Variants in IYD observed in about 807,000 individuals in gnomAD.
IYD encodes the protein iodotyrosine deiodinase 1.
IYD carries 25 observed loss-of-function variants against 28.4 expected under a neutral mutation model. The observed-to-expected ratio is 0.88, with a 90% CI of 0.64 to 1.23. The LOEUF (loss-of-function observed/expected upper bound fraction) is 1.23. Among genes scored for constraint, IYD ranks in the 50% most tolerant of loss-of-function variants. The probability of loss-of-function intolerance (pLI) is 0.00; values close to 1 mark genes in which losing one functional copy is unlikely to be tolerated. For missense variants in IYD, 352 were observed against 357.9 expected (o/e 0.98, Z 0.13); for synonymous variants, 140 against 130.8 (o/e 1.07, Z -0.48).
intron 1 of IYD, chr6:150,370,700 G>A (rs2115008916): frequency 1.0e-6 from 1 of 978,586 alleles, no homozygotes; most frequent in South Asian, 4.7e-5. Context: ...GGCCTGGATG[G>A]TGGGGGCAGG....
At chr6:150,383,879 T>C (rs1055195000) in intron 1 of IYD, among the ~76,000 whole-genome samples, 25 of 151,948 alleles carry the variant, frequency 1.6e-4, no homozygotes, top group African/African-American at 6.0e-4. Flanking sequence ...GAAGTGGATT[T>C]GTATCTACTA....
intron 1 of IYD, among the ~76,000 whole-genome samples, chr6:150,374,562 C>A (rs1332671144): frequency 3.3e-5 from 5 of 152,150 alleles, no homozygotes; most frequent in Admixed American, 3.3e-4. Context: ...GAGAATCAAG[C>A]GAAAGGGGCT....
rs1285342919 is a variant in IYD, at chr6:150,401,691, A to C, written c.*3454A>C. ...GTGACAACTGTGTTCAAAGTTAGAA[A>C]TAGTGGTCGGGGAGGCTTATAGATC... is the stretch of plus-strand genomic sequence containing the variant. On this transcript the variant is annotated 3_prime_UTR_variant, in exon 5 of 5. Coordinates refer to ENST00000344419, the MANE Select transcript of IYD (RefSeq NM_203395.3). The C allele has an allele frequency of 1.3e-5, 2 of 152,220 alleles. No individual in the cohort carries two copies. The allele number at this position is 152,220 out of a possible 1,614,324, so 9.4% of individuals were successfully genotyped here. A position where few individuals can be genotyped will look rare whatever the true frequency, so the allele number is the denominator to read the frequency against.
At chr6:150,384,616 G>A (rs2115037543) in intron 1 of IYD, 1 of 152,244 alleles carries the variant, frequency 6.6e-6, no homozygotes, top group South Asian at 2.1e-4. Flanking sequence ...ACTGTTTGAA[G>A]ACAGCATCTT....
intron 1 of IYD, among the ~76,000 whole-genome samples, chr6:150,372,268 T>TGG: frequency 7.7e-6 from 1 of 129,044 alleles, no homozygotes; most frequent in East Asian, 2.4e-4. Context: ...GGGTGGGTTG[T>TGG]GGGGTGGTGA....
intron 2 of IYD, 148 bp from the exon 3 acceptor site, chr6:150,392,197 T>TA (rs1179816980): frequency 0.035 from 35,680 of 1,012,752 alleles, 37 homozygotes; most frequent in African/African-American, 0.051. Flanking sequence ...CCCTGCTAGT[T>TA]AAAAAAAAAA....
intron 3 of IYD, among the ~76,000 whole-genome samples, chr6:150,393,074 T>C (rs753374112): frequency 1.5e-4 from 23 of 152,206 alleles, no homozygotes; most frequent in Non-Finnish European, 2.6e-4. Context: ...GTCAGGAAAG[T>C]GGATTACAAG....
chr6:150,377,298 G>T (rs2115021736), intron 1 of IYD, among the ~76,000 whole-genome samples: 1 of 152,328 alleles, frequency 6.6e-6, no homozygotes, highest in Admixed American at 6.5e-5. Flanking sequence ...GGAAAACAAA[G>T]GGGTTACACA....
chr6:150,369,155 C>T lies in IYD; in HGVS notation c.124C>T (p.Pro42Ser). Residue 42 changes from proline to serine, a missense_variant, in exon 1 of 5, where the codon CCC becomes TCC. Pro to Ser is a moderately conservative substitution (Grantham distance 74). Transcript: ENST00000344419. The part of the protein sequence containing the change: ...GEPRTRAEAR[P>S]WVDEDLKDSS... ...GCCTAGAACCAGGGCCGAAGCTCGC[C>T]CCTGGGTGGATGAAGACTTAAAAGA... The T allele has an allele frequency of 6.2e-7, 1 of 1,613,776 alleles. No individual in the cohort carries two copies. The highest frequency in any genetic ancestry group is 8.5e-7 in the Non-Finnish European group (1 of 1,179,980).
intron 1 of IYD, chr6:150,384,524 A>G (rs1210232009): frequency 1.3e-5 from 2 of 152,238 alleles, no homozygotes; most frequent in Non-Finnish European, 2.9e-5. Flanking sequence ...TGGAAGCCCA[A>G]GACCAGCCTA....
At chr6:150,380,808 T>TG in intron 1 of IYD, among the ~76,000 whole-genome samples, 1 of 152,330 alleles carries the variant, frequency 6.6e-6, no homozygotes, top group East Asian at 1.9e-4. Flanking sequence ...TGTTAGCATT[T>TG]GGGGCAGCCC....
rs186357609 is a variant in IYD, at chr6:150,402,768, G to A, written c.*4531G>A. The A allele has an allele frequency of 3.3e-5, 5 of 152,242 alleles. No individual in the cohort carries two copies. Among genetic ancestry groups the A allele is most frequent in the African/African-American group, 9.6e-5 (4 of 41,546 alleles). The allele number at this position is 152,242 out of a possible 1,614,324, so 9.4% of individuals were successfully genotyped here. ...GAAACTTCCATCAAGGAGTACTGGA[G>A]GACAGTTCAGTATTTCTTCTTATTT... On this transcript the variant is annotated 3_prime_UTR_variant, in exon 5 of 5. Transcript: ENST00000344419.
intron 1 of IYD, among the ~76,000 whole-genome samples, chr6:150,376,278 G>A (rs1777441742): frequency 6.6e-6 from 1 of 152,182 alleles, no homozygotes; most frequent in Non-Finnish European, 1.5e-5. Flanking sequence ...ACTGACAAGA[G>A]ACAGATTAAT....
At chr6:150,387,499 T>C (rs1777919107) in intron 1 of IYD, among the ~76,000 whole-genome samples, 1 of 151,976 alleles carries the variant, frequency 6.6e-6, no homozygotes, top group Non-Finnish European at 1.5e-5. Context: ...TCATGAGTTC[T>C]GCAAAAATCT....
At chr6:150,369,310 G>A in intron 1 of IYD, 101 bp downstream of exon 1, 1 of 1,151,398 alleles carries the variant, frequency 8.7e-7, no homozygotes, top group Non-Finnish European at 1.3e-6. Context: ...ACACACACAG[G>A]CCAGCTTCAA....
intron 1 of IYD, among the ~76,000 whole-genome samples, chr6:150,379,832 C>A (rs1777582458): frequency 6.6e-6 from 1 of 152,166 alleles, no homozygotes; most frequent in South Asian, 2.1e-4. Flanking sequence ...TTCATTCCCC[C>A]TGAAATTCAT....
intron 1 of IYD, among the ~76,000 whole-genome samples, chr6:150,384,125 T>C (rs1314589983): frequency 2.0e-5 from 3 of 152,206 alleles, no homozygotes; most frequent in African/African-American, 7.2e-5. Context: ...AAATTTGTTA[T>C]TTTAGGAAAG....
chr6:150,375,654 A>G (rs1337810754), intron 1 of IYD, among the ~76,000 whole-genome samples: 2 of 152,106 alleles, frequency 1.3e-5, no homozygotes, highest in Non-Finnish European at 2.9e-5. Context: ...ACTTCTGTCC[A>G]TAATTCTTGT....
chr6:150,383,595 A>G (rs760219111), intron 1 of IYD, among the ~76,000 whole-genome samples: 1 of 152,140 alleles, frequency 6.6e-6, no homozygotes, highest in Non-Finnish European at 1.5e-5. Context: ...AAAAGTGAAA[A>G]TCCTTTAACA....
Sources: gnomAD v4.1 joint callset for allele counts (sites outside exome capture counted in the v4.1 genomes callset) on GRCh38, gnomAD v4.1.1 for gene constraint, MANE v1.5 for transcripts, NCBI Gene and HGNC (gene_info 2026-07-23, HGNC 2026-07-21) for gene names.